Variants in RPRD2 observed in about 807,000 individuals in gnomAD.
RPRD2 encodes the protein regulation of nuclear pre-mRNA domain-containing protein 2.
Under a neutral mutation model 104.4 loss-of-function variants are expected in RPRD2, and 12 were observed. The observed-to-expected ratio is 0.11, with a 90% CI of 0.07 to 0.19. RPRD2 has a LOEUF of 0.19. RPRD2 is among the 10% of genes least tolerant of loss of function. The pLI, the probability that RPRD2 is intolerant of heterozygous loss-of-function variation, is 1.00. For missense variants in RPRD2, 1,543 were observed against 1,790.1 expected (o/e 0.86, Z 2.49); for synonymous variants, 714 against 684.9 (o/e 1.04, Z -0.66).
intron 7 of RPRD2, among the ~76,000 whole-genome samples, chr1:150,448,489 T>C (rs1553895975): frequency 1.3e-5 from 2 of 152,150 alleles, no homozygotes; most frequent in African/African-American, 4.8e-5. Context: ...ACTTCTGTAT[T>C]GTCAAAGTTG....
chr1:150,399,408 T>C (rs1412445033), intron 1 of RPRD2, among the ~76,000 whole-genome samples: 1 of 152,216 alleles, frequency 6.6e-6, no homozygotes, highest in African/African-American at 2.4e-5. Flanking sequence ...CACCATTTAT[T>C]GAGAAGCCAG....
chr1:150,367,690 G>A (rs1553877401), intron 1 of RPRD2, among the ~76,000 whole-genome samples: 1 of 150,500 alleles, frequency 6.6e-6, no homozygotes, highest in Non-Finnish European at 1.5e-5. Flanking sequence ...GCTATCTAAG[G>A]ATATGTTCCA....
At chr1:150,431,026 T>A (rs587613122) in intron 2 of RPRD2, among the ~76,000 whole-genome samples, 1 of 151,930 alleles carries the variant, frequency 6.6e-6, no homozygotes, top group African/African-American at 2.4e-5. Context: ...ATAGCATAAA[T>A]AAAAATTTTA....
rs587698619 is a variant in RPRD2 at position 150,431,031 on chromosome 1, A to T, written c.336-9892A>T. 5.3e-5 allele frequency among the ~76,000 whole-genome samples: 8 copies of T among 152,318 alleles called. No individual in the cohort carries two copies. In the South Asian group the frequency reaches 1.7e-3, roughly 32 times the overall value. ...CATATACTAAATAGCATAAATAAAA[A>T]TTTTATACCTAGTTATTGTAATGAA... On this transcript the variant is annotated intron_variant, in intron 2 of 10. Coordinates refer to ENST00000369068, the MANE Select transcript of RPRD2 (RefSeq NM_015203.5).
chr1:150,469,650 T>C (rs587753256), intron 10 of RPRD2, among the ~76,000 whole-genome samples: 1 of 152,336 alleles, frequency 6.6e-6, no homozygotes, highest in Non-Finnish European at 1.5e-5. Flanking sequence ...CCTTCTGTTA[T>C]CTTTTTGTCA....
intron 1 of RPRD2, among the ~76,000 whole-genome samples, chr1:150,410,641 A>G (rs1553887431): frequency 6.6e-6 from 1 of 151,914 alleles, no homozygotes; most frequent in African/African-American, 2.4e-5. Context: ...GCACACACAC[A>G]CTTTTTTTTT....
At chr1:150,368,210 T>TG (rs1372269527) in intron 1 of RPRD2, among the ~76,000 whole-genome samples, 3 of 143,132 alleles carry the variant, frequency 2.1e-5, no homozygotes, top group Admixed American at 6.8e-5. Context: ...TTCTTGTTTT[T>TG]TTTTTTTTTT....
intron 10 of RPRD2, among the ~76,000 whole-genome samples, chr1:150,470,292 C>A (rs1341756797): frequency 2.6e-5 from 4 of 152,084 alleles, no homozygotes; most frequent in Non-Finnish European, 4.4e-5. Flanking sequence ...TAAAATCTCC[C>A]CCTTCCTGTT....
At chr1:150,389,581 A>T (rs987763619) in intron 1 of RPRD2, among the ~76,000 whole-genome samples, 8 of 152,176 alleles carry the variant, frequency 5.3e-5, no homozygotes, top group African/African-American at 1.9e-4. Context: ...CCTGGCTGAG[A>T]TAGTTTTTTT....
rs911897417 is a variant in RPRD2 at position 150,443,889 on chromosome 1, G to A, written c.568-362G>A. 3.3e-5 allele frequency among the ~76,000 whole-genome samples: 5 copies of A among 151,940 alleles called. No homozygotes were observed. In the East Asian group the frequency reaches 7.7e-4, roughly 23 times the overall value. ...AAAAATTAGCTGGGCGTGGTGGCGG[G>A]CGCCTGTAGTCCCAGCTACTCAGGA... On this transcript the variant is annotated intron_variant, in intron 5 of 10. Coordinates refer to ENST00000369068, the MANE Select transcript of RPRD2 (RefSeq NM_015203.5).
chr1:150,437,190 G>T (rs1223812294), intron 2 of RPRD2, among the ~76,000 whole-genome samples: 1 of 151,868 alleles, frequency 6.6e-6, no homozygotes, highest in Non-Finnish European at 1.5e-5. Flanking sequence ...GATTCATAGG[G>T]AGAGGTCAAA....
intron 1 of RPRD2, among the ~76,000 whole-genome samples, chr1:150,367,517 CT>C (rs1343195110): frequency 6.6e-6 from 1 of 152,000 alleles, no homozygotes; most frequent in African/African-American, 2.4e-5. Context: ...CTTTGCTTCT[CT>C]TTTTTCTTCT....
At chr1:150,387,173 AT>A (rs1224677861) in intron 1 of RPRD2, among the ~76,000 whole-genome samples, 1 of 152,146 alleles carries the variant, frequency 6.6e-6, no homozygotes, top group East Asian at 1.9e-4. Context: ...TTGAAAATGT[AT>A]TTATTGAAAA....
At chr1:150,441,133 C>A in intron 3 of RPRD2, 110 bp downstream of exon 3, 1 of 561,310 alleles carries the variant, frequency 1.8e-6, no homozygotes, top group Non-Finnish European at 3.1e-6. Context: ...AGTTTTGAAT[C>A]TAGCCCTATT....
intron 2 of RPRD2, among the ~76,000 whole-genome samples, chr1:150,420,728 A>G (rs1438919956): frequency 6.6e-6 from 1 of 152,170 alleles, no homozygotes; most frequent in Non-Finnish European, 1.5e-5. Context: ...CGGGAGGCTG[A>G]GGCACAAGAA....
intron 2 of RPRD2, among the ~76,000 whole-genome samples, chr1:150,422,367 T>TAATAATAATAATAATAATAAA (rs1407375626): frequency 0.058 from 6,518 of 111,802 alleles, 210 homozygotes; most frequent in Non-Finnish European, 0.084. Flanking sequence ...ATAATAATAA[T>TAATAATAATAATAATAATAAA]AAATAAAATT....
At chr1:150,383,524 TCAGGCTGGTCTTGAACTCC>T (rs1661313507) in intron 1 of RPRD2, among the ~76,000 whole-genome samples, 1 of 150,822 alleles carries the variant, frequency 6.6e-6, no homozygotes, top group Non-Finnish European at 1.5e-5. Context: ...GCCGTGTTGG[TCAGGCTGGTCTTGAACTCC>T]TGACCTCAGG....
intron 2 of RPRD2, among the ~76,000 whole-genome samples, chr1:150,431,011 A>G (rs587743472): frequency 1.6e-4 from 24 of 152,296 alleles, no homozygotes; most frequent in African/African-American, 5.8e-4. Flanking sequence ...AATAACATAT[A>G]CTAAATAGCA....
chr1:150,394,641 G>T (rs1446958088), intron 1 of RPRD2, among the ~76,000 whole-genome samples: 1 of 152,098 alleles, frequency 6.6e-6, no homozygotes, highest in Non-Finnish European at 1.5e-5. Context: ...GCCCAGGCTG[G>T]AGTGCAGTGG....
Sources: allele counts gnomAD v4.1 joint callset (sites outside exome capture counted in the v4.1 genomes callset), GRCh38; gene constraint gnomAD v4.1.1; transcripts MANE v1.5; gene names NCBI Gene and HGNC (gene_info 2026-07-23, HGNC 2026-07-21).